GTF2A1: variants seen among roughly 807,000 people sequenced by gnomAD.
GTF2A1 encodes the protein general transcription factor IIA subunit 1, also known as transcription initiation factor IIA subunit 1.
Under a neutral mutation model 54.1 loss-of-function variants are expected in GTF2A1, and 12 were observed. The ratio of observed to expected loss-of-function variants is 0.22; its 90% CI spans 0.14 to 0.36. GTF2A1 has a LOEUF of 0.36. Ranked by LOEUF, GTF2A1 falls within the 10% of genes least tolerant of loss-of-function variation. The probability of loss-of-function intolerance (pLI) is 1.00; values close to 1 mark genes in which losing one functional copy is unlikely to be tolerated. For missense variants in GTF2A1, 335 were observed against 442.2 expected (o/e 0.76, Z 2.17); for synonymous variants, 145 against 152.0 (o/e 0.95, Z 0.34).
chr14:81,187,709 A>G (rs1892780787), intron 7 of GTF2A1, among the ~76,000 whole-genome samples: 1 of 152,274 alleles, frequency 6.6e-6, no homozygotes, highest in Admixed American at 6.5e-5. Context: ...TTATGGCTAA[A>G]TAATATTCCA....
Position 81,195,964 on chromosome 14 carries a change from C to T in GTF2A1, c.612+144G>A, listed in dbSNP as rs1892983414. 3.7e-5 allele frequency: 24 copies of T among 656,852 alleles called. No individual in the cohort carries two copies. The South Asian group carries it at 4.6e-4, about 13-fold the overall frequency. The allele number at this position is 656,852 out of a possible 1,614,324, so 40.7% of individuals were successfully genotyped here. A position where few individuals can be genotyped will look rare whatever the true frequency, so the allele number is the denominator to read the frequency against. ...TAATACATGCTGAATCTAAGTTAAG[C>T]TGTATACAGGAGAAATTTGAAACAA... On this transcript the variant is annotated intron_variant, in intron 6 of 8. Transcript: ENST00000553612.
rs1288392188 is a variant in GTF2A1, at chr14:81,220,932, A to C, written c.-414T>G. 4.3e-5 allele frequency: 7 copies of C among 164,390 alleles called. No homozygotes were observed. The highest frequency in any genetic ancestry group is 1.8e-4 in the East Asian group (1 of 5,696). 10.2% of individuals were successfully genotyped at this position (164,390 alleles called of 1,614,324 possible). On this transcript the variant is annotated 5_prime_UTR_variant, in exon 1 of 9. Transcript: ENST00000553612. The stretch of plus-strand genomic sequence containing the variant: ...GAGCCAACAAGCTGCGCGAGCCACC[A>C]CCGCCGCCGCCGCCGCCGCCGAGAG...
chr14:81,213,667 A>G (rs536760166), intron 2 of GTF2A1, among the ~76,000 whole-genome samples: 1 of 152,198 alleles, frequency 6.6e-6, no homozygotes, highest in Non-Finnish European at 1.5e-5. Context: ...TGAACAATTT[A>G]TATTGTTCTT....
intron 2 of GTF2A1, among the ~76,000 whole-genome samples, chr14:81,205,672 T>C (rs959406120): frequency 3.9e-5 from 6 of 152,220 alleles, no homozygotes; most frequent in African/African-American, 1.4e-4. Context: ...TTTATCTTTC[T>C]TAGGCATCTT....
intron 2 of GTF2A1, among the ~76,000 whole-genome samples, chr14:81,214,624 T>C (rs556048147): frequency 2.1e-4 from 32 of 150,286 alleles, no homozygotes; most frequent in African/African-American, 6.9e-4. Flanking sequence ...CCAGCCTGGG[T>C]GACAGAGCGA....
At chr14:81,202,793 TCCTAATG>T in intron 3 of GTF2A1, 4 of 517,434 alleles carry the variant, frequency 7.7e-6, no homozygotes, top group South Asian at 5.6e-5. Flanking sequence ...TGACCTAAAA[TCCTAATG>T]CCAGGTCTGA....
chr14:81,177,943 TAAAAG>T lies in GTF2A1; in HGVS notation c.*2275_*2279del, dbSNP rs1396326008. On this transcript the variant is annotated 3_prime_UTR_variant, in exon 9 of 9. Coordinates refer to ENST00000553612, the MANE Select transcript of GTF2A1 (RefSeq NM_015859.4). ...GACCAGCTTTCAGAATTTTCACAGG[TAAAAG>T]AAAAGCATTTGCCAAGTATACCATA... 3.9e-5 allele frequency: 6 copies of T among 152,144 alleles called. No individual in the cohort carries two copies. The highest frequency in any genetic ancestry group is 1.4e-4 in the African/African-American group (6 of 41,532). The allele number at this position is 152,144 out of a possible 1,614,324, so 9.4% of individuals were successfully genotyped here. A position where few individuals can be genotyped will look rare whatever the true frequency, so the allele number is the denominator to read the frequency against.
At chr14:81,184,646 A>T (rs1892704094) in intron 8 of GTF2A1, among the ~76,000 whole-genome samples, 2 of 152,064 alleles carry the variant, frequency 1.3e-5, no homozygotes, top group Admixed American at 1.3e-4. Context: ...CAGAATTAAG[A>T]TTTTCTTCAT....
chr14:81,196,218 C>T lies in GTF2A1; in HGVS notation c.502G>A (p.Ala168Thr). 3 of 1,614,102 alleles carry T rather than the reference C, an allele frequency of 1.9e-6. No homozygotes were observed. Among genetic ancestry groups the T allele is most frequent in the South Asian group, 2.2e-5 (2 of 91,086 alleles). The change falls in exon 6 of 9, where the codon GCA becomes ACA. Residue 168 changes from alanine (A) to threonine (T), a missense_variant. Ala to Thr is a moderately conservative substitution (Grantham distance 58). Transcript: ENST00000553612. ...AAGATATATTGGGCACCATTGGCTG[C>T]TCTGACCACCTGAAGAAGCTGGCCT... The part of the protein sequence containing the change: ...NSGQLLQVVR[A>T]ANGAQYIFQP...
chr14:81,220,370 G>GGCC (rs2140048790), intron 1 of GTF2A1, 119 bp downstream of exon 1: 1 of 474,456 alleles, frequency 2.1e-6, no homozygotes, highest in East Asian at 4.2e-5. Context: ...CGGCGGCGGC[G>GGCC]GCCGCGCGGG....
intron 4 of GTF2A1, among the ~76,000 whole-genome samples, chr14:81,198,777 T>C (rs1333288958): frequency 6.6e-6 from 1 of 152,206 alleles, no homozygotes; most frequent in Non-Finnish European, 1.5e-5. Flanking sequence ...AAAATAAATA[T>C]AACTGCTTTG....
intron 1 of GTF2A1, among the ~76,000 whole-genome samples, chr14:81,217,031 T>C (rs1169506431): frequency 6.6e-6 from 1 of 152,240 alleles, no homozygotes; most frequent in Non-Finnish European, 1.5e-5. Flanking sequence ...ACCATTAAAC[T>C]ACTCATACAC....
intron 2 of GTF2A1, chr14:81,209,826 C>A (rs2140036983): frequency 1.3e-6 from 1 of 755,660 alleles, no homozygotes; most frequent in South Asian, 1.5e-5. Context: ...AAAGCCATCA[C>A]TCACTGCCTC....
chr14:81,194,525 C>A (rs1203647901), intron 6 of GTF2A1, among the ~76,000 whole-genome samples: 4 of 152,182 alleles, frequency 2.6e-5, no homozygotes, highest in African/African-American at 9.7e-5. Context: ...ATTAATAGTA[C>A]TGCTCTGATC....
At chr14:81,199,519 A>G (rs1001563051) in intron 4 of GTF2A1, among the ~76,000 whole-genome samples, 1 of 152,218 alleles carries the variant, frequency 6.6e-6, no homozygotes, top group African/African-American at 2.4e-5. Context: ...AAGAACAAAT[A>G]TATTTTTGCT....
Position 81,203,803 on chromosome 14 carries a change from T to C in GTF2A1, c.337+97A>G. 3 of 1,093,790 alleles carry C rather than the reference T, an allele frequency of 2.7e-6. No homozygotes were observed. In the South Asian group the frequency reaches 3.9e-5, roughly 14 times the overall value. The allele number at this position is 1,093,790 out of a possible 1,614,324, so 67.8% of individuals were successfully genotyped here. A position where few individuals can be genotyped will look rare whatever the true frequency, so the allele number is the denominator to read the frequency against. On this transcript the variant is annotated intron_variant, in intron 3 of 8. Transcript: ENST00000553612. ...ATTTTTAGGTTCTCCATGTGCCCCT[T>C]AAAAGACAAGATCCAAAAAATGCAG...
rs777797572 is a variant in GTF2A1, at chr14:81,197,494, A to C, written c.403-10T>G. On this transcript the variant is annotated splice_polypyrimidine_tract_variant and intron_variant, in intron 4 of 8. Coordinates refer to ENST00000553612, the MANE Select transcript of GTF2A1 (RefSeq NM_015859.4). ...CTGTAGCAGCAGCACTCTGAAAAAAACAAAGAAAAAATATCAAAACCACAT... is the reference window on the plus strand; with the variant it reads ...CTGTAGCAGCAGCACTCTGAAAAAACCAAAGAAAAAATATCAAAACCACAT... 1 of 1,512,030 alleles carries C rather than the reference A, an allele frequency of 6.6e-7. No homozygotes were observed. The highest frequency in any genetic ancestry group is 9.1e-7 in the Non-Finnish European group (1 of 1,101,192). 93.7% of individuals were successfully genotyped at this position (1,512,030 alleles called of 1,614,324 possible). A position where few individuals can be genotyped will look rare whatever the true frequency, so the allele number is the denominator to read the frequency against.
At chr14:81,202,755 G>A (rs1595221703) in intron 3 of GTF2A1, 1 of 518,622 alleles carries the variant, frequency 1.9e-6, no homozygotes, top group Non-Finnish European at 3.8e-6. Flanking sequence ...TATTCTCTGA[G>A]TGAAGAAAAT....
At chr14:81,197,280 T>C (rs1477955351) in intron 5 of GTF2A1, 129 bp downstream of exon 5, 6 of 593,636 alleles carry the variant, frequency 1.0e-5, no homozygotes, top group Non-Finnish European at 1.8e-5. Flanking sequence ...TAAAGTTATT[T>C]TAATAACCTA....
Sources: allele counts gnomAD v4.1 joint callset (sites outside exome capture counted in the v4.1 genomes callset), GRCh38; gene constraint gnomAD v4.1.1; transcripts MANE v1.5; gene names NCBI Gene and HGNC (gene_info 2026-07-23, HGNC 2026-07-21).